The following GPATCH2 variants were observed in gnomAD, a reference collection of about 807,000 sequenced individuals.
GPATCH2 encodes the protein G patch domain-containing protein 2.
GPATCH2 carries 51 observed loss-of-function variants against 58.0 expected under a neutral mutation model. The ratio of observed to expected loss-of-function variants is 0.88; its 90% CI spans 0.70 to 1.11. The LOEUF is 1.11. GPATCH2 is among the 50% of genes most tolerant of loss of function. The pLI is 0.00. For missense variants in GPATCH2, 625 were observed against 652.2 expected, an observed-to-expected ratio of 0.96 and a Z score of 0.45; for synonymous variants, 222 against 218.5, an observed-to-expected ratio of 1.02 and a Z score of -0.14.
intron 8 of GPATCH2, among the ~76,000 whole-genome samples, chr1:217,474,582 T>C (rs1428123155): frequency 6.6e-6 from 1 of 152,222 alleles, no homozygotes; most frequent in Non-Finnish European, 1.5e-5. Flanking sequence ...GGGTGAGATG[T>C]CCTACATTCC....
chr1:217,539,346 T>A (rs1429085813), intron 5 of GPATCH2, among the ~76,000 whole-genome samples: 1 of 152,196 alleles, frequency 6.6e-6, no homozygotes, highest in Non-Finnish European at 1.5e-5. Flanking sequence ...CAGTATATAT[T>A]TGCTCAATTT....
intron 8 of GPATCH2, among the ~76,000 whole-genome samples, chr1:217,458,894 A>G (rs1263502011): frequency 6.6e-6 from 1 of 152,182 alleles, no homozygotes; most frequent in Non-Finnish European, 1.5e-5. Flanking sequence ...CATACAGTAT[A>G]TAGTATTTGC....
chr1:217,619,897 C>G lies in GPATCH2; in HGVS notation c.659G>C (p.Gly220Ala), dbSNP rs17855847. The change falls in exon 2 of 10, where the codon GGA becomes GCA. Residue 220 changes from glycine to alanine, a missense_variant. Transcript: ENST00000366935. The stretch of plus-strand genomic sequence containing the variant: ...TACTCCTTCATCTTGGATTTTTGGT[C>G]CTTGTCTGATTATTTTCAACTTTCT... ...KKRKLKIIRQ[G>A]PKIQDEGVVL... The G allele has an allele frequency of 1.9e-6, 3 of 1,613,682 alleles. No homozygotes were observed. The highest frequency in any genetic ancestry group is 2.5e-6 in the Non-Finnish European group (3 of 1,179,784).
At chr1:217,475,033 T>C (rs1050548212) in intron 8 of GPATCH2, among the ~76,000 whole-genome samples, 1 of 152,158 alleles carries the variant, frequency 6.6e-6, no homozygotes, top group Non-Finnish European at 1.5e-5. Flanking sequence ...CTTACACACG[T>C]ATTTCACCTT....
At chr1:217,543,826 A>C (rs1157651284) in intron 5 of GPATCH2, among the ~76,000 whole-genome samples, 2 of 152,338 alleles carry the variant, frequency 1.3e-5, no homozygotes, top group East Asian at 3.9e-4. Flanking sequence ...TTCATGGGAC[A>C]AGAACAGAAC....
In GPATCH2 at chr1:217,454,273, C is replaced by T. The variant is rs1053025079; in HGVS notation, c.1278-4936G>A. Among the ~76,000 whole-genome samples the T allele has an allele frequency of 5.9e-5, 9 of 152,092 alleles. No homozygotes were observed. The South Asian group carries it at 6.2e-4, about 11-fold the overall frequency. ...ACTTTCAAGTATAAATGTTTTATAA[C>T]GACTAGAATGATTGAATTAAATCCT... On this transcript the variant is annotated intron_variant, in intron 8 of 9. Coordinates refer to ENST00000366935, the MANE Select transcript of GPATCH2 (RefSeq NM_018040.5).
chr1:217,472,854 A>G (rs1660790943), intron 8 of GPATCH2, among the ~76,000 whole-genome samples: 2 of 152,214 alleles, frequency 1.3e-5, no homozygotes, highest in Non-Finnish European at 2.9e-5. Context: ...AAGTGGAGAA[A>G]GAATGTACAG....
intron 5 of GPATCH2, among the ~76,000 whole-genome samples, chr1:217,563,150 A>G (rs942937749): frequency 6.6e-6 from 1 of 152,176 alleles, no homozygotes; most frequent in Non-Finnish European, 1.5e-5. Context: ...TAACATCCCT[A>G]GCTTGAATTC....
At chr1:217,486,809 G>A (rs1661475863) in intron 8 of GPATCH2, among the ~76,000 whole-genome samples, 1 of 152,182 alleles carries the variant, frequency 6.6e-6, no homozygotes, top group Non-Finnish European at 1.5e-5. Flanking sequence ...CTTTGGTTAG[G>A]AGAATACCTT....
chr1:217,532,183 C>G (rs574624815), intron 5 of GPATCH2, among the ~76,000 whole-genome samples: 3 of 152,128 alleles, frequency 2.0e-5, no homozygotes, highest in Non-Finnish European at 4.4e-5. Context: ...GTGATTAACC[C>G]AGTATGTACT....
At position 217,427,800 on chromosome 1, in the gene GPATCH2, T is replaced by C. The variant is rs1658387652; in HGVS notation, c.*3345A>G. 6.6e-6 allele frequency: 1 copy of C among 152,144 alleles called. No homozygotes were observed. 9.4% of individuals were successfully genotyped at this position (152,144 alleles called of 1,614,324 possible). A position where few individuals can be genotyped will look rare whatever the true frequency, so the allele number is the denominator to read the frequency against. ...TCAGTTCAATTTACAAGAATGCCAA[T>C]TCTCAATATTAAAATAAACATTAAT... On this transcript the variant is annotated 3_prime_UTR_variant, in exon 10 of 10. Coordinates refer to ENST00000366935, the MANE Select transcript of GPATCH2 (RefSeq NM_018040.5).
At chr1:217,629,710 T>C (rs1258068505) in intron 1 of GPATCH2, among the ~76,000 whole-genome samples, 1 of 152,188 alleles carries the variant, frequency 6.6e-6, no homozygotes, top group East Asian at 1.9e-4. Context: ...CCTGTAAAAA[T>C]TGTGCATTTC....
intron 8 of GPATCH2, among the ~76,000 whole-genome samples, chr1:217,466,992 G>A (rs1279312634): frequency 2.0e-5 from 3 of 152,200 alleles, no homozygotes; most frequent in African/African-American, 7.2e-5. Flanking sequence ...GGCCAACATG[G>A]TGAAATCCCG....
At chr1:217,616,810 T>C (rs976105789) in intron 2 of GPATCH2, among the ~76,000 whole-genome samples, 1 of 152,162 alleles carries the variant, frequency 6.6e-6, no homozygotes, top group African/African-American at 2.4e-5. Flanking sequence ...AACAAATATA[T>C]GTACACTAAT....
At chr1:217,613,093 A>T (rs1223591765) in intron 3 of GPATCH2, among the ~76,000 whole-genome samples, 1 of 151,850 alleles carries the variant, frequency 6.6e-6, no homozygotes, top group Non-Finnish European at 1.5e-5. Context: ...CTGAGAAAAG[A>T]TCTGTATTTT....
intron 8 of GPATCH2, among the ~76,000 whole-genome samples, chr1:217,475,506 G>A (rs1317499354): frequency 1.3e-5 from 2 of 152,110 alleles, no homozygotes; most frequent in Non-Finnish European, 2.9e-5. Flanking sequence ...AATGAAAAGA[G>A]TAAGATAATT....
chr1:217,584,344 A>AAAAAATATATAT (rs1463910405), intron 5 of GPATCH2, among the ~76,000 whole-genome samples: 10 of 101,856 alleles, frequency 9.8e-5, no homozygotes, highest in African/African-American at 2.4e-4. Flanking sequence ...AAAAAAAAAA[A>AAAAAATATATAT]ATATATATAT....
At chr1:217,532,351 G>A (rs1336234964) in intron 5 of GPATCH2, among the ~76,000 whole-genome samples, 1 of 152,168 alleles carries the variant, frequency 6.6e-6, no homozygotes, top group African/African-American at 2.4e-5. Flanking sequence ...GGCTCGGAGA[G>A]ATTAAAACAA....
In GPATCH2 at chr1:217,554,087, C is replaced by T. The variant is rs143424914; in HGVS notation, c.1099-39198G>A. On this transcript the variant is annotated intron_variant, in intron 5 of 9. Transcript: ENST00000366935. ...TCTTGTCCAGCTCTTGAGCTAGCTC[C>T]AGCTGATAATGATGAATACCAAGGC... Among the ~76,000 whole-genome samples the T allele has an allele frequency of 5.1e-4, 78 of 152,344 alleles. No homozygotes were observed. In the East Asian group the frequency reaches 8.3e-3, roughly 16 times the overall value.
Sources: gnomAD v4.1 joint callset for allele counts (sites outside exome capture counted in the v4.1 genomes callset) on GRCh38, gnomAD v4.1.1 for gene constraint, MANE v1.5 for transcripts, NCBI Gene and HGNC (gene_info 2026-07-23, HGNC 2026-07-21) for gene names.